The following EPB41L3 variants were observed in gnomAD, a reference collection of about 807,000 sequenced individuals.
The protein encoded by EPB41L3 is band 4.1-like protein 3.
Under a neutral mutation model 127.1 loss-of-function variants are expected in EPB41L3, and 57 were observed. That is an observed-to-expected ratio of 0.45 (90% CI 0.36 to 0.56). EPB41L3 has a LOEUF of 0.56. Among genes scored for constraint, EPB41L3 ranks in the 20% least tolerant of loss-of-function variants. The probability of loss-of-function intolerance (pLI) is 0.00; values close to 1 mark genes in which losing one functional copy is unlikely to be tolerated. For missense variants in EPB41L3, 1,273 were observed against 1,372.2 expected (o/e 0.93, Z 1.14); for synonymous variants, 572 against 549.5 (o/e 1.04, Z -0.57).
intron 14 of EPB41L3, among the ~76,000 whole-genome samples, chr18:5,410,153 T>G (rs1401004278): frequency 6.6e-6 from 1 of 152,094 alleles, no homozygotes; most frequent in Non-Finnish European, 1.5e-5. Flanking sequence ...TAGTTAATTG[T>G]GACCTTCTTC....
At chr18:5,407,029 C>A in intron 15 of EPB41L3, 61 bp from the exon 16 acceptor site, 1 of 1,490,736 alleles carries the variant, frequency 6.7e-7, no homozygotes, top group South Asian at 1.2e-5. Context: ...CCTTTCAGCT[C>A]TTTTGTTTGC....
Position 5,406,773 on chromosome 18 carries a change from T to C in EPB41L3, c.2349+4A>G. ...CGAGTCTGACCACAAACCTGACTAC[T>C]GACCTCTTCAGGGACAAGTGGTTCG... is the stretch of plus-strand genomic sequence containing the variant. On this transcript the variant is annotated splice_donor_region_variant and intron_variant, in intron 16 of 22. Coordinates refer to ENST00000341928, the MANE Select transcript of EPB41L3 (RefSeq NM_012307.5). 2 of 1,612,442 alleles carry C rather than the reference T, an allele frequency of 1.2e-6. No homozygotes were observed. The highest frequency in any genetic ancestry group is 2.2e-5 in the South Asian group (2 of 91,012).
At chr18:5,515,509 G>T (rs947000610) in intron 1 of EPB41L3, among the ~76,000 whole-genome samples, 1 of 152,204 alleles carries the variant, frequency 6.6e-6, no homozygotes, top group Non-Finnish European at 1.5e-5. Flanking sequence ...CAGAATTGCA[G>T]AGAACATCAG....
intron 3 of EPB41L3, among the ~76,000 whole-genome samples, chr18:5,464,879 A>T (rs2084680694): frequency 6.6e-6 from 1 of 152,210 alleles, no homozygotes; most frequent in Admixed American, 6.5e-5. Flanking sequence ...TGACTTCCTC[A>T]GATCCTTTCT....
At chr18:5,472,034 T>A (rs898534659) in intron 3 of EPB41L3, among the ~76,000 whole-genome samples, 2 of 152,148 alleles carry the variant, frequency 1.3e-5, no homozygotes, top group Non-Finnish European at 2.9e-5. Flanking sequence ...ACTGTTTATA[T>A]TTCTTGATAT....
chr18:5,545,722 T>C (rs2093867186), upstream of EPB41L3, among the ~76,000 whole-genome samples: 1 of 152,006 alleles, frequency 6.6e-6, no homozygotes, highest in South Asian at 2.1e-4. Flanking sequence ...TTACCAGAGG[T>C]AATGAGGGCC....
chr18:5,551,855 T>C (rs1443763001), intron 3 of EPB41L3, among the ~76,000 whole-genome samples: 1 of 152,214 alleles, frequency 6.6e-6, no homozygotes, highest in African/African-American at 2.4e-5. Flanking sequence ...TAAAAAATTT[T>C]AAATATTGAT....
intron 6 of EPB41L3, among the ~76,000 whole-genome samples, chr18:5,434,427 T>C (rs1469870993): frequency 1.3e-5 from 2 of 152,236 alleles, no homozygotes; most frequent in African/African-American, 2.4e-5. Context: ...TAACATCTTT[T>C]AAAATAACTT....
At chr18:5,423,106 A>G (rs1405168715) in intron 11 of EPB41L3, among the ~76,000 whole-genome samples, 1 of 152,136 alleles carries the variant, frequency 6.6e-6, no homozygotes, top group East Asian at 1.9e-4. Flanking sequence ...TCTTTCTCCA[A>G]ATTCAGGGTG....
chr18:5,394,753 G>A lies in EPB41L3; in HGVS notation c.3194C>T (p.Pro1065Leu). The A allele has an allele frequency of 6.2e-7, 1 of 1,614,154 alleles. No individual in the cohort carries two copies. The change falls in exon 22 of 23, where the codon CCT becomes CTT. Residue 1065 changes from proline (P) to leucine (L), a missense_variant. Pro to Leu is a moderately conservative substitution (Grantham distance 98, BLOSUM62 -3). Around this residue, in one of 3 missense-constraint regions of EPB41L3, gnomAD observed 765 missense variants for 782.9 expected, o/e 0.98. Transcript: ENST00000341928. The stretch of plus-strand genomic sequence containing the variant: ...CACTACTTTGGTCACTGACATGTCA[G>A]GGTGCTGCTCTTTGGCCTCTTTAAT... ...QAIKEAKEQH[P>L]DMSVTKVVVH...
intron 3 of EPB41L3, among the ~76,000 whole-genome samples, chr18:5,580,277 A>G (rs1399475052): frequency 1.3e-5 from 2 of 152,156 alleles, no homozygotes; most frequent in South Asian, 2.1e-4. Flanking sequence ...ATACACACAG[A>G]TACACACTCA....
intron 1 of EPB41L3, among the ~76,000 whole-genome samples, chr18:5,616,513 ATAAACTCCTTAGGTT>A (rs1331252775): frequency 6.6e-6 from 1 of 152,186 alleles, no homozygotes; most frequent in African/African-American, 2.4e-5. Flanking sequence ...ATATTGCATA[ATAAACTCCTTAGGTT>A]TTTATTTTTT....
At chr18:5,516,455 C>T (rs952756854) in intron 1 of EPB41L3, among the ~76,000 whole-genome samples, 2 of 152,128 alleles carry the variant, frequency 1.3e-5, no homozygotes, top group Non-Finnish European at 2.9e-5. Flanking sequence ...AGTGAATTTC[C>T]CAGTAAGCTG....
chr18:5,437,854 T>G (rs1192755837), intron 6 of EPB41L3, among the ~76,000 whole-genome samples, 181 bp downstream of exon 6: 1 of 152,178 alleles, frequency 6.6e-6, no homozygotes. Flanking sequence ...GATTCAACAG[T>G]GAAAAGATAG....
At chr18:5,571,359 C>A (rs1477067975) in intron 3 of EPB41L3, among the ~76,000 whole-genome samples, 1 of 152,132 alleles carries the variant, frequency 6.6e-6, no homozygotes, top group African/African-American at 2.4e-5. Flanking sequence ...AGGAATGTGA[C>A]CAAGATTTAA....
At chr18:5,507,234 A>C (rs879420474) in intron 1 of EPB41L3, among the ~76,000 whole-genome samples, 1 of 151,968 alleles carries the variant, frequency 6.6e-6, no homozygotes, top group Admixed American at 6.6e-5. Flanking sequence ...CACAAACACA[A>C]ACACACACAC....
Position 5,394,710 on chromosome 18 carries a change from CTCTG to C in EPB41L3, c.3233_3236del (p.Thr1078ArgfsTer19), listed in dbSNP as rs1488067940. ...AATCCTCTCCATCTTCTGGTGTGAT[CTCTG>C]TCTCTTTATGGACCACTACTTTGGT... is the stretch of plus-strand genomic sequence containing the variant. On this transcript the variant is annotated frameshift_variant, in exon 22 of 23. Transcript: ENST00000341928. LOFTEE classifies it high-confidence loss of function. 6.2e-7 allele frequency: 1 copy of C among 1,614,044 alleles called. No individual in the cohort carries two copies. The highest frequency in any genetic ancestry group is 8.5e-7 in the Non-Finnish European group (1 of 1,180,008).
intron 3 of EPB41L3, among the ~76,000 whole-genome samples, chr18:5,610,477 C>T (rs968045127): frequency 6.6e-6 from 1 of 152,104 alleles, no homozygotes; most frequent in Non-Finnish European, 1.5e-5. Flanking sequence ...ACACCCAAAC[C>T]ACATTTGAAT....
At chr18:5,518,692 A>C (rs2092855670) in intron 1 of EPB41L3, 1 of 152,214 alleles carries the variant, frequency 6.6e-6, no homozygotes, top group South Asian at 2.1e-4. Flanking sequence ...ACAGTTTACT[A>C]GATGGCTAAA....
Sources: gnomAD v4.1 joint callset for allele counts (sites outside exome capture counted in the v4.1 genomes callset) on GRCh38, gnomAD v4.1.1 for gene constraint, gnomAD v4.1.1 regional missense constraint, MANE v1.5 for transcripts, NCBI Gene and HGNC (gene_info 2026-07-23, HGNC 2026-07-21) for gene names.